NAP1L4: variants seen among roughly 807,000 people sequenced by gnomAD.
The protein encoded by NAP1L4 is nucleosome assembly protein 1 like 4.
A neutral mutation model predicts 58.2 loss-of-function variants in NAP1L4; 15 were observed. That is an observed-to-expected ratio of 0.26 (90% confidence interval 0.17 to 0.40). NAP1L4 has a LOEUF of 0.40. NAP1L4 is among the 10% of genes least tolerant of loss of function. The probability of loss-of-function intolerance (pLI) is 1.00; values close to 1 mark genes in which losing one functional copy is unlikely to be tolerated. For missense variants in NAP1L4, 384 were observed against 451.1 expected (o/e 0.85, Z 1.35); for synonymous variants, 171 against 155.6 (o/e 1.10, Z -0.74).
chr11:2,991,704 C>G, intron 1 of NAP1L4: 1 of 152,828 alleles, frequency 6.5e-6, no homozygotes, highest in Non-Finnish European at 1.5e-5. Flanking sequence ...GTTAGCCCAG[C>G]CTGACCCCAC....
rs1257143338 is a variant in NAP1L4, at chr11:2,971,578, C to T, written c.316-44G>A. 1.3e-6 allele frequency: 2 copies of T among 1,500,708 alleles called. No homozygotes were observed. Among genetic ancestry groups the T allele is most frequent in the Non-Finnish European group, 9.2e-7 (1 of 1,086,916 alleles). The allele number at this position is 1,500,708 out of a possible 1,614,324, so 93.0% of individuals were successfully genotyped here. A position where few individuals can be genotyped will look rare whatever the true frequency, so the allele number is the denominator to read the frequency against. The stretch of plus-strand genomic sequence containing the variant: ...TTATTAGAATTATGTTATTAGCTTA[C>T]TTAGGAACTCAAGAGTTAAATTTAT... On this transcript the variant is annotated intron_variant, in intron 5 of 15. Transcript: ENST00000380542. This position sits in a 1 kb window ranked among gnomAD's most constrained non-coding sequence, Gnocchi z 4.2.
At chr11:2,963,847 T>C (rs779800367) in intron 8 of NAP1L4, 1 of 519,300 alleles carries the variant, frequency 1.9e-6, no homozygotes, top group South Asian at 1.4e-5. Flanking sequence ...TGCACCGGAA[T>C]GGAACCCATT....
intron 8 of NAP1L4, among the ~76,000 whole-genome samples, chr11:2,961,841 A>G (rs1010925491): frequency 2.6e-5 from 4 of 152,132 alleles, no homozygotes; most frequent in Admixed American, 1.3e-4. Context: ...CTACTTTTCT[A>G]TAGATAGATT....
chr11:2,950,028 A>G (rs1846139396), intron 14 of NAP1L4, among the ~76,000 whole-genome samples: 1 of 152,240 alleles, frequency 6.6e-6, no homozygotes, highest in African/African-American at 2.4e-5. Flanking sequence ...GGTCCATCAG[A>G]CACCCCGCAC....
At position 2,944,686 on chromosome 11, in the gene NAP1L4, T is replaced by C. The variant is rs1249639933; in HGVS notation, c.*993A>G. The C allele has an allele frequency of 1.3e-5, 2 of 152,218 alleles. No homozygotes were observed. Among genetic ancestry groups the C allele is most frequent in the Non-Finnish European group, 2.9e-5 (2 of 68,044 alleles). 9.4% of individuals were successfully genotyped at this position (152,218 alleles called of 1,614,324 possible). On this transcript the variant is annotated 3_prime_UTR_variant, in exon 16 of 16. Transcript: ENST00000380542. ...GAATGGTGGGGCCCCGCAATGGGGC[T>C]ACTGAGAAAGCAGGACTTGACGCTC...
Position 2,954,352 on chromosome 11 carries a change from TCTC to T in NAP1L4, c.1035+172_1035+174del, listed in dbSNP as rs776361840. 3.6e-5 allele frequency: 34 copies of T among 941,638 alleles called. No homozygotes were observed. In the South Asian group the frequency reaches 3.8e-4, roughly 11 times the overall value. The allele number at this position is 941,638 out of a possible 1,614,324, so 58.3% of individuals were successfully genotyped here. On this transcript the variant is annotated intron_variant, in intron 12 of 15. Coordinates refer to ENST00000380542, the MANE Select transcript of NAP1L4 (RefSeq NM_005969.4). The surrounding 1 kb of genome is among the most constrained non-coding windows in gnomAD (Gnocchi z 4.8). ...CTTTTCCTGCTCTGTTCCTCAGACT[TCTC>T]CTCTTCAAGCGTATTCCCCCCACAA...
Position 2,955,286 on chromosome 11 carries a change from T to C in NAP1L4, c.915+458A>G, listed in dbSNP as rs969218256. Among the ~76,000 whole-genome samples, 4 of 152,078 alleles carry C rather than the reference T, an allele frequency of 2.6e-5. No homozygotes were observed. Among genetic ancestry groups the C allele is most frequent in the Admixed American group, 2.0e-4 (3 of 15,264 alleles). On this transcript the variant is annotated intron_variant, in intron 11 of 15. Transcript: ENST00000380542. The surrounding 1 kb of genome is among the most constrained non-coding windows in gnomAD (Gnocchi z 4.2). ...ATCTCAGCTCACTGCAACCTCCTCCTCTCGGGTTCAAGTGATTCTCCTGCT... is the reference window on the plus strand; with the variant it reads ...ATCTCAGCTCACTGCAACCTCCTCCCCTCGGGTTCAAGTGATTCTCCTGCT...
At position 2,954,156 on chromosome 11, in the gene NAP1L4, A is replaced by G. The variant is rs1008526469; in HGVS notation, c.1035+371T>C. The G allele has an allele frequency of 4.2e-5, 9 of 212,242 alleles. No homozygotes were observed. Among genetic ancestry groups the G allele is most frequent in the African/African-American group, 1.1e-4 (5 of 43,630 alleles). The allele number at this position is 212,242 out of a possible 1,614,324, so 13.1% of individuals were successfully genotyped here. ...TTGGGTTGATGAACCACAGGCTAGC[A>G]TAAGTCCACTGTCAATAAATGTTTG... On this transcript the variant is annotated intron_variant, in intron 12 of 15. Transcript: ENST00000380542. This position sits in a 1 kb window ranked among gnomAD's most constrained non-coding sequence, Gnocchi z 4.8.
Position 2,945,294 on chromosome 11 carries a change from C to A in NAP1L4, c.*385G>T, listed in dbSNP as rs890735485. On this transcript the variant is annotated 3_prime_UTR_variant, in exon 16 of 16. Coordinates refer to ENST00000380542, the MANE Select transcript of NAP1L4 (RefSeq NM_005969.4). The stretch of plus-strand genomic sequence containing the variant: ...GACCTCGGCCCTTTTTGCCAAGTGA[C>A]CCCCACCCCACCCTGATGTGGTCTA... 30 of 286,354 alleles carry A rather than the reference C, an allele frequency of 1.0e-4. No individual in the cohort carries two copies. In the Admixed American group the frequency reaches 1.3e-3, roughly 12 times the overall value. 17.7% of individuals were successfully genotyped at this position (286,354 alleles called of 1,614,324 possible).
At chr11:2,973,861 T>G (rs1031053167) in intron 4 of NAP1L4, among the ~76,000 whole-genome samples, 3 of 152,080 alleles carry the variant, frequency 2.0e-5, no homozygotes, top group African/African-American at 7.2e-5. Context: ...CTCAACTTTC[T>G]GGGCTCAAAT....
At chr11:2,958,290 C>T (rs1324415808) in intron 10 of NAP1L4, 109 bp downstream of exon 10, 65 of 1,173,622 alleles carry the variant, frequency 5.5e-5, no homozygotes, top group Non-Finnish European at 7.9e-5. Context: ...CTACTGACCA[C>T]ACTTGCCTGA....
intron 4 of NAP1L4, among the ~76,000 whole-genome samples, chr11:2,973,693 A>G (rs1464184052): frequency 1.3e-5 from 2 of 152,196 alleles, no homozygotes; most frequent in Non-Finnish European, 2.9e-5. Flanking sequence ...GTAGATGAAA[A>G]AAAGGGAAAA....
rs1325237104 is a variant in NAP1L4, at chr11:2,954,561, T to C, written c.1001A>G (p.Tyr334Cys). The stretch of plus-strand genomic sequence containing the variant: ...ATCTTCTATGGCCTCCCCAGTGAAG[T>C]ACAGCACAGCCCGCGGGACTATCCG... ...RERIVPRAVL[Y>C]FTGEAIEDDD... The change falls in exon 12 of 16, where the codon TAC (tyrosine) becomes TGC (cysteine). Residue 334 changes from tyrosine to cysteine, a missense_variant. Tyr to Cys is a radical substitution (Grantham distance 194). This residue lies in a region of NAP1L4 where 296 missense variants were observed against 360.8 expected (regional missense o/e 0.82). Transcript: ENST00000380542. The surrounding 1 kb of genome is among the most constrained non-coding windows in gnomAD (Gnocchi z 4.8). 1 of 1,614,042 alleles carries C rather than the reference T, an allele frequency of 6.2e-7. No individual in the cohort carries two copies. Among genetic ancestry groups the C allele is most frequent in the African/African-American group, 1.3e-5 (1 of 74,914 alleles).
chr11:2,978,155 C>A, intron 3 of NAP1L4, 129 bp downstream of exon 3: 1 of 809,634 alleles, frequency 1.2e-6, no homozygotes, highest in Non-Finnish European at 1.9e-6. Context: ...ACTGATTTTT[C>A]ATTTTAATTA....
intron 9 of NAP1L4, 78 bp from the exon 10 acceptor site, chr11:2,958,622 A>G: frequency 1.4e-6 from 2 of 1,448,698 alleles, no homozygotes; most frequent in South Asian, 2.5e-5. Flanking sequence ...GAAGCAAACC[A>G]CAGCTCTATG....
chr11:2,952,146 A>C, intron 12 of NAP1L4: 2 of 360,358 alleles, frequency 5.6e-6, no homozygotes, highest in Non-Finnish European at 1.0e-5. Context: ...ATTTTTGTAA[A>C]CCGATGAATT....
intron 1 of NAP1L4, 137 bp from the exon 2 acceptor site, chr11:2,979,374 G>A: frequency 1.5e-6 from 1 of 669,558 alleles, no homozygotes; most frequent in Non-Finnish European, 2.6e-6. Flanking sequence ...TGATGAAAAT[G>A]TTCTAGATCT....
chr11:2,966,562 C>T (rs887559102), intron 7 of NAP1L4, among the ~76,000 whole-genome samples: 3 of 152,114 alleles, frequency 2.0e-5, no homozygotes, highest in African/African-American at 7.2e-5. Flanking sequence ...TCCGTTGAGT[C>T]CTAATTTTCA....
chr11:2,982,094 G>GT (rs1394538394), intron 1 of NAP1L4, among the ~76,000 whole-genome samples: 1 of 152,114 alleles, frequency 6.6e-6, no homozygotes, highest in African/African-American at 2.4e-5. Context: ...AGAATGAGGT[G>GT]TTTTTTTCTG....
Sources: allele counts gnomAD v4.1 joint callset (sites outside exome capture counted in the v4.1 genomes callset), GRCh38; gene constraint gnomAD v4.1.1; regional missense constraint gnomAD v4.1.1; non-coding constraint Gnocchi (gnomAD v3.1); transcripts MANE v1.5; gene names NCBI Gene and HGNC (gene_info 2026-07-23, HGNC 2026-07-21).